RELN: variants seen among roughly 807,000 people sequenced by gnomAD.
RELN encodes reelin.
RELN carries 108 observed loss-of-function variants against 427.6 expected under a neutral mutation model. The observed-to-expected ratio is 0.25, with a 90% CI of 0.22 to 0.30. The LOEUF is 0.30. Ranked by LOEUF, RELN falls within the 10% of genes least tolerant of loss-of-function variation. The probability of loss-of-function intolerance (pLI) is 1.00; values close to 1 mark genes in which losing one functional copy is unlikely to be tolerated. For synonymous variants in RELN, 1,524 were observed against 1,513.4 expected (o/e 1.01, Z -0.16); for missense variants, 3,715 against 4,302.8 (o/e 0.86, Z 3.82).
At chr7:103,741,758 C>T (rs546549728) in intron 6 of RELN, among the ~76,000 whole-genome samples, 2 of 151,484 alleles carry the variant, frequency 1.3e-5, no homozygotes, top group African/African-American at 2.4e-5. Context: ...TACACTAGAC[C>T]TCTTCACACT....
intron 19 of RELN, among the ~76,000 whole-genome samples, chr7:103,634,903 G>C (rs1832544166): frequency 6.6e-6 from 1 of 151,902 alleles, no homozygotes; most frequent in Non-Finnish European, 1.5e-5. Context: ...TCTGTCGCCA[G>C]GTTGGAGTAC....
intron 1 of RELN, among the ~76,000 whole-genome samples, chr7:103,975,305 G>A (rs1796847766): frequency 6.6e-6 from 1 of 152,158 alleles, no homozygotes; most frequent in South Asian, 2.1e-4. Context: ...CACCTGTTGT[G>A]TGCCAGGCAC....
At chr7:103,917,928 C>T (rs79345184) in intron 1 of RELN, among the ~76,000 whole-genome samples, 1,714 of 152,162 alleles carry the variant, frequency 0.011, 23 homozygotes, top group African/African-American at 0.033. Flanking sequence ...TCCTGCTTGA[C>T]GTAACATTTT....
chr7:103,668,376 T>C (rs1050824955), intron 11 of RELN, among the ~76,000 whole-genome samples: 2 of 152,224 alleles, frequency 1.3e-5, no homozygotes, highest in Admixed American at 1.3e-4. Flanking sequence ...TCTCTTTAAT[T>C]TCTTGCCATG....
chr7:103,706,742 T>C (rs1274253696), intron 8 of RELN, among the ~76,000 whole-genome samples: 1 of 152,060 alleles, frequency 6.6e-6, no homozygotes, highest in East Asian at 1.9e-4. Context: ...CTCAAGGCCA[T>C]AATGGTCTTG....
chr7:103,949,667 G>A (rs1184787437), intron 1 of RELN, among the ~76,000 whole-genome samples: 1 of 151,938 alleles, frequency 6.6e-6, no homozygotes, highest in African/African-American at 2.4e-5. Flanking sequence ...TACAGCAGCA[G>A]GAACTAAGAC....
chr7:103,763,581 T>TC (rs1187823224), intron 4 of RELN, among the ~76,000 whole-genome samples: 4 of 152,120 alleles, frequency 2.6e-5, no homozygotes, highest in African/African-American at 9.7e-5. Context: ...GAGCGCAACT[T>TC]CATCAGTTAG....
intron 2 of RELN, among the ~76,000 whole-genome samples, chr7:103,897,065 G>T (rs7789938): frequency 0.48 from 73,324 of 151,652 alleles, 18,598 homozygotes; most frequent in Non-Finnish European, 0.57. Context: ...AAAACCATCA[G>T]ATCTCATGAG....
intron 20 of RELN, among the ~76,000 whole-genome samples, chr7:103,618,295 C>T (rs1019096638): frequency 5.9e-5 from 9 of 152,232 alleles, no homozygotes; most frequent in African/African-American, 2.2e-4. Context: ...CTATGGTATT[C>T]AATGTGTGGA....
chr7:103,696,276 G>A (rs1254297685), intron 10 of RELN, among the ~76,000 whole-genome samples: 1 of 152,072 alleles, frequency 6.6e-6, no homozygotes, highest in African/African-American at 2.4e-5. Flanking sequence ...AGGGTCTCAT[G>A]ACATTTTCAT....
At chr7:103,738,089 G>A (rs1790539511) in intron 6 of RELN, among the ~76,000 whole-genome samples, 1 of 149,214 alleles carries the variant, frequency 6.7e-6, no homozygotes, top group South Asian at 2.2e-4. Flanking sequence ...TCATTGTGCT[G>A]GAGGGGAAAC....
intron 2 of RELN, among the ~76,000 whole-genome samples, chr7:103,850,265 G>A (rs965466872): frequency 1.3e-5 from 2 of 152,230 alleles, no homozygotes; most frequent in Non-Finnish European, 2.9e-5. Context: ...CCCAAATACT[G>A]TGAGTGCCCC....
intron 2 of RELN, among the ~76,000 whole-genome samples, chr7:103,915,122 A>T (rs964658122): frequency 3.3e-5 from 5 of 152,070 alleles, no homozygotes; most frequent in Non-Finnish European, 7.4e-5. Context: ...CAGTTCCTAG[A>T]ACATAGCCAG....
intron 8 of RELN, among the ~76,000 whole-genome samples, chr7:103,706,799 C>T (rs548140025): frequency 6.6e-6 from 1 of 152,200 alleles, no homozygotes; most frequent in East Asian, 1.9e-4. Flanking sequence ...CTTTAACCCC[C>T]CTGCTAGTCA....
rs779347175 is a variant in RELN at position 103,917,151 on chromosome 7, C to A, written c.261G>T (p.Leu87Phe). 6 of 1,612,792 alleles carry A rather than the reference C, an allele frequency of 3.7e-6. No individual in the cohort carries two copies. The Admixed American group carries it at 5.0e-5, about 13-fold the overall frequency. The change falls in exon 2 of 65, where the codon TTG (leucine) becomes TTT (phenylalanine). Residue 87 changes from leucine to phenylalanine, a missense_variant. Around this residue, in one of 4 missense-constraint regions of RELN, gnomAD observed 2,208 missense variants for 2,361.7 expected, o/e 0.93. Coordinates refer to ENST00000428762, the MANE Select transcript of RELN (RefSeq NM_005045.4). Reference sequence around the variant, plus strand: ...TAGATGTGTATAGTCCTGTCACCAGCAAGCCGTCAAAAAAGGTGCTTGTTG... The same window carrying A: ...TAGATGTGTATAGTCCTGTCACCAGAAAGCCGTCAAAAAAGGTGCTTGTTG... ...TISTSTFFDG[L>F]LVTGLYTSTS...
At chr7:103,805,303 T>C (rs1792571474) in intron 3 of RELN, among the ~76,000 whole-genome samples, 1 of 152,166 alleles carries the variant, frequency 6.6e-6, no homozygotes, top group South Asian at 2.1e-4. Flanking sequence ...ACAAAATACA[T>C]GTAGAGAATT....
chr7:103,786,876 C>T (rs961218144), intron 3 of RELN, among the ~76,000 whole-genome samples: 4 of 152,124 alleles, frequency 2.6e-5, no homozygotes, highest in Non-Finnish European at 5.9e-5. Flanking sequence ...CAGAACTCTC[C>T]ACCCCAAGTC....
At chr7:103,606,828 G>C (rs1443784045) in intron 22 of RELN, among the ~76,000 whole-genome samples, 4 of 151,784 alleles carry the variant, frequency 2.6e-5, no homozygotes, top group Middle Eastern at 3.2e-3. Context: ...AACTTCAAGG[G>C]GACAATTCCA....
chr7:103,803,639 T>C (rs1176930467), intron 3 of RELN, among the ~76,000 whole-genome samples: 1 of 152,098 alleles, frequency 6.6e-6, no homozygotes, highest in East Asian at 1.9e-4. Flanking sequence ...TGCTTAGAGA[T>C]TGAAATTATA....
Sources: gnomAD v4.1 joint callset for allele counts (sites outside exome capture counted in the v4.1 genomes callset) on GRCh38, gnomAD v4.1.1 for gene constraint, gnomAD v4.1.1 regional missense constraint, MANE v1.5 for transcripts, NCBI Gene and HGNC (gene_info 2026-07-23, HGNC 2026-07-21) for gene names.